PCNX2: variants seen among roughly 807,000 people sequenced by gnomAD.
The protein encoded by PCNX2 is pecanex-like protein 2.
In PCNX2, 168 loss-of-function variants were observed where a neutral mutation model predicts 223.8. That is an observed-to-expected ratio of 0.75 (90% confidence interval 0.66 to 0.85). The LOEUF (loss-of-function observed/expected upper bound fraction) is 0.85, where lower values mean the gene tolerates loss of function less well. Ranked by LOEUF, PCNX2 falls within the 40% of genes least tolerant of loss-of-function variation. PCNX2 has a pLI of 0.00. For missense variants in PCNX2, 2,507 were observed against 2,675.5 expected (o/e 0.94, Z 1.39); for synonymous variants, 1,006 against 1,052.6 (o/e 0.96, Z 0.86).
chr1:233,127,403 C>T (rs953389011), intron 21 of PCNX2, among the ~76,000 whole-genome samples: 1 of 152,142 alleles, frequency 6.6e-6, no homozygotes, highest in African/African-American at 2.4e-5. Flanking sequence ...ACTCACTCCT[C>T]CCTGCCTTCT....
Position 233,010,119 on chromosome 1 carries a change from C to A in PCNX2, c.4952+4546G>T, listed in dbSNP as rs191275589. The stretch of plus-strand genomic sequence containing the variant: ...TAGTCTGGCAAGTGGACCTTAATTT[C>A]CCTTTACAAGATGACCCACTGTGAC... On this transcript the variant is annotated intron_variant, in intron 28 of 33. Transcript: ENST00000258229. Among the ~76,000 whole-genome samples the A allele has an allele frequency of 1.9e-3, 289 of 152,326 alleles. 1 individual carries two copies. Among genetic ancestry groups the A allele is most frequent in the African/African-American group, 6.8e-3 (284 of 41,576 alleles).
At chr1:233,107,754 A>T (rs1022634246) in intron 21 of PCNX2, among the ~76,000 whole-genome samples, 1 of 152,126 alleles carries the variant, frequency 6.6e-6, no homozygotes, top group Non-Finnish European at 1.5e-5. Context: ...CAGCTCTCAG[A>T]GGCACGTAAA....
intron 1 of PCNX2, among the ~76,000 whole-genome samples, chr1:233,276,769 G>T (rs147435635): frequency 2.0e-5 from 3 of 152,192 alleles, no homozygotes; most frequent in Non-Finnish European, 2.9e-5. Context: ...AGATGATCAA[G>T]CTCCACGTTC....
In PCNX2 at chr1:233,025,406, G is replaced by A. The variant is rs376834019; in HGVS notation, c.4352-7C>T. 1.2e-4 allele frequency: 189 copies of A among 1,613,154 alleles called. No individual in the cohort carries two copies. The highest frequency in any genetic ancestry group is 1.7e-4 in the Middle Eastern group (1 of 6,058). ...CTCTGCTGGCAGTAGGTTCCTGGCC[G>A]AGCACAAACATGAAGGAAGTTTGAA... On this transcript the variant is annotated splice_region_variant and splice_polypyrimidine_tract_variant and intron_variant, in intron 25 of 33. Transcript: ENST00000258229.
intron 28 of PCNX2, 135 bp downstream of exon 28, chr1:233,014,530 T>G (rs568286471): frequency 4.4e-6 from 3 of 674,172 alleles, no homozygotes; most frequent in African/African-American, 3.6e-5. Context: ...CCAATATAAT[T>G]TATTATGAAA....
At chr1:233,281,008 A>G (rs1427831661) in intron 1 of PCNX2, among the ~76,000 whole-genome samples, 1 of 152,200 alleles carries the variant, frequency 6.6e-6, no homozygotes, top group Non-Finnish European at 1.5e-5. Context: ...ATTCATCAAC[A>G]CTACGGAATA....
At chr1:232,992,113 G>A (rs572768336) in intron 32 of PCNX2, among the ~76,000 whole-genome samples, 1 of 152,350 alleles carries the variant, frequency 6.6e-6, no homozygotes, top group African/African-American at 2.4e-5. Flanking sequence ...AGTGGGAAAG[G>A]GGTAGCAGGC....
intron 19 of PCNX2, among the ~76,000 whole-genome samples, chr1:233,144,735 G>A (rs1677322790): frequency 6.6e-6 from 1 of 151,950 alleles, no homozygotes; most frequent in Admixed American, 6.6e-5. Context: ...TGGATTATAT[G>A]TCTTTTCCTT....
intron 19 of PCNX2, among the ~76,000 whole-genome samples, chr1:233,146,317 T>C (rs931983734): frequency 6.6e-6 from 1 of 152,180 alleles, no homozygotes; most frequent in African/African-American, 2.4e-5. Flanking sequence ...TACCTTATCA[T>C]TTTTAGTGGT....
At chr1:233,153,529 G>C (rs918962988) in intron 19 of PCNX2, among the ~76,000 whole-genome samples, 6 of 152,202 alleles carry the variant, frequency 3.9e-5, no homozygotes, top group Admixed American at 3.3e-4. Context: ...AAAAGAGCCT[G>C]AGTAGAAGTT....
At chr1:233,010,060 T>C (rs1670410262) in intron 28 of PCNX2, among the ~76,000 whole-genome samples, 1 of 116,438 alleles carries the variant, frequency 8.6e-6, no homozygotes, top group South Asian at 2.4e-4. Context: ...TTGCATCCTG[T>C]TTACTTTATC....
intron 21 of PCNX2, chr1:233,134,681 T>C (rs74230954): frequency 0.028 from 9,666 of 350,000 alleles, 203 homozygotes; most frequent in East Asian, 0.066. Context: ...GAGAGACCAG[T>C]GAACTTGGTT....
Position 232,983,543 on chromosome 1 carries a change from G to A in PCNX2, c.*761C>T, listed in dbSNP as rs535895808. ...CACGCGTCCCTGTGAAGCCCGCAGG[G>A]TGCTGGCGGCCCACCAATCGCCTGG... On this transcript the variant is annotated 3_prime_UTR_variant, in exon 34 of 34. Transcript: ENST00000258229. The A allele has an allele frequency of 6.6e-6, 1 of 152,366 alleles. No individual in the cohort carries two copies. The highest frequency in any genetic ancestry group is 1.5e-5 in the Non-Finnish European group (1 of 68,034). 9.4% of individuals were successfully genotyped at this position (152,366 alleles called of 1,614,324 possible). A position where few individuals can be genotyped will look rare whatever the true frequency, so the allele number is the denominator to read the frequency against.
rs1230107567 is a variant in PCNX2, at chr1:233,139,584, A to G, written c.3659+130T>C. 69 of 1,129,536 alleles carry G rather than the reference A, an allele frequency of 6.1e-5. No homozygotes were observed. The highest frequency in any genetic ancestry group is 7.7e-5 in the Non-Finnish European group (62 of 808,040). 70.0% of individuals were successfully genotyped at this position (1,129,536 alleles called of 1,614,324 possible). ...AGTGGGTTTTGAGTAAAAGACCACC[A>G]TGGCTTATTTTTACATGGCCAATCA... On this transcript the variant is annotated intron_variant, in intron 20 of 33. Transcript: ENST00000258229. This position sits in a 1 kb window ranked among gnomAD's most constrained non-coding sequence, Gnocchi z 4.4.
At position 233,015,857 on chromosome 1, in the gene PCNX2, T is replaced by C. The variant is rs182697250; in HGVS notation, c.4839+1064A>G. Among the ~76,000 whole-genome samples the C allele has an allele frequency of 6.4e-3, 955 of 149,458 alleles. 10 individuals are homozygous for C. Among genetic ancestry groups the C allele is most frequent in the Non-Finnish European group, 7.2e-3 (486 of 67,466 alleles). On this transcript the variant is annotated intron_variant, in intron 27 of 33. Transcript: ENST00000258229. ...CTGCTGCACTCCAGCCTAAGGAGAG[T>C]GAGACTCTGTTTCTTAAAAAAAGTT...
At chr1:233,182,137 G>A (rs1679837145) in intron 15 of PCNX2, among the ~76,000 whole-genome samples, 1 of 152,198 alleles carries the variant, frequency 6.6e-6, no homozygotes, top group East Asian at 1.9e-4. Flanking sequence ...CTTTAACAAG[G>A]GAAAACAATA....
chr1:232,993,899 G>T (rs1253494035), intron 32 of PCNX2, among the ~76,000 whole-genome samples: 1 of 152,228 alleles, frequency 6.6e-6, no homozygotes, highest in Non-Finnish European at 1.5e-5. Flanking sequence ...CTTCCATGTG[G>T]TGTTGGGCCT....
Position 233,068,563 on chromosome 1 carries a change from A to G in PCNX2, c.4077-11273T>C, listed in dbSNP as rs574881456. Among the ~76,000 whole-genome samples the G allele has an allele frequency of 2.0e-5, 3 of 152,266 alleles. No homozygotes were observed. The South Asian group carries it at 6.2e-4, about 32-fold the overall frequency. On this transcript the variant is annotated intron_variant, in intron 23 of 33. Coordinates refer to ENST00000258229, the MANE Select transcript of PCNX2 (RefSeq NM_014801.4). Reference sequence around the variant, plus strand: ...AGTGTATATACAGAAAATATTCATGACATCATGGTACAAGCAGGGGAAGCT... The same window carrying G: ...AGTGTATATACAGAAAATATTCATGGCATCATGGTACAAGCAGGGGAAGCT...
At chr1:233,231,869 G>T (rs932419698) in intron 9 of PCNX2, among the ~76,000 whole-genome samples, 2 of 152,202 alleles carry the variant, frequency 1.3e-5, no homozygotes, top group Non-Finnish European at 2.9e-5. Context: ...CACTGGGTCA[G>T]GGTCCCTTCA....
Sources: allele counts gnomAD v4.1 joint callset (sites outside exome capture counted in the v4.1 genomes callset), GRCh38; gene constraint gnomAD v4.1.1; non-coding constraint Gnocchi (gnomAD v3.1); transcripts MANE v1.5; gene names NCBI Gene and HGNC (gene_info 2026-07-23, HGNC 2026-07-21).